PPM1E: variants seen among roughly 807,000 people sequenced by gnomAD.
PPM1E encodes the protein protein phosphatase, Mg2+/Mn2+ dependent 1E, also known as protein phosphatase 1E.
PPM1E carries 20 observed loss-of-function variants against 65.9 expected under a neutral mutation model. The observed-to-expected ratio is 0.30, with a 90% confidence interval of 0.21 to 0.44. PPM1E has a LOEUF of 0.44. PPM1E is among the 20% of genes least tolerant of loss of function. The pLI, the probability that PPM1E is intolerant of heterozygous loss-of-function variation, is 1.00. For missense variants in PPM1E, 713 were observed against 953.1 expected (o/e 0.75, Z 3.32); for synonymous variants, 352 against 374.9 (o/e 0.94, Z 0.70).
intron 1 of PPM1E, among the ~76,000 whole-genome samples, chr17:58,758,450 C>A (rs2144127092): frequency 6.6e-6 from 1 of 151,772 alleles, no homozygotes; most frequent in East Asian, 1.9e-4. Flanking sequence ...ATCGCTTGAA[C>A]CCGAGAGGCA....
intron 1 of PPM1E, among the ~76,000 whole-genome samples, chr17:58,923,407 G>T (rs1256274577): frequency 6.6e-6 from 1 of 151,980 alleles, no homozygotes; most frequent in Non-Finnish European, 1.5e-5. Context: ...GAGGCCAGGA[G>T]TTTGAGACCA....
At chr17:58,763,796 A>C (rs1473968082) in intron 1 of PPM1E, among the ~76,000 whole-genome samples, 1 of 152,102 alleles carries the variant, frequency 6.6e-6, no homozygotes, top group Non-Finnish European at 1.5e-5. Context: ...TTGCTACTGA[A>C]CCATGTAGGA....
At chr17:58,819,294 C>T (rs918178162) in intron 1 of PPM1E, among the ~76,000 whole-genome samples, 26 of 152,180 alleles carry the variant, frequency 1.7e-4, no homozygotes, top group African/African-American at 6.0e-4. Flanking sequence ...TATAGGCACG[C>T]GCCACCACGC....
chr17:58,974,499 T>C (rs966856394), intron 6 of PPM1E, among the ~76,000 whole-genome samples: 1 of 152,204 alleles, frequency 6.6e-6, no homozygotes, highest in Non-Finnish European at 1.5e-5. Context: ...AGGGTATAAG[T>C]TCAAAGAATT....
chr17:58,858,113 T>A (rs531030281), intron 1 of PPM1E, among the ~76,000 whole-genome samples: 4 of 152,272 alleles, frequency 2.6e-5, no homozygotes, highest in Middle Eastern at 3.4e-3. Context: ...TCCTTAACCT[T>A]CCTTATAAAG....
At chr17:58,902,493 G>T (rs1426684428) in intron 1 of PPM1E, among the ~76,000 whole-genome samples, 1 of 152,012 alleles carries the variant, frequency 6.6e-6, no homozygotes, top group Non-Finnish European at 1.5e-5. Flanking sequence ...CATTTATTTA[G>T]TCTAGCATGT....
chr17:58,926,113 G>A (rs567417400), intron 1 of PPM1E, among the ~76,000 whole-genome samples: 12 of 152,216 alleles, frequency 7.9e-5, no homozygotes, highest in African/African-American at 2.9e-4. Context: ...GGCTGAGATG[G>A]GCGGATCACT....
intron 1 of PPM1E, among the ~76,000 whole-genome samples, chr17:58,947,840 G>A (rs1269767502): frequency 1.3e-5 from 2 of 152,098 alleles, no homozygotes; most frequent in African/African-American, 4.8e-5. Flanking sequence ...TCCAACTGGG[G>A]TCTCTGTTGG....
intron 1 of PPM1E, among the ~76,000 whole-genome samples, chr17:58,825,535 G>C (rs1007313063): frequency 6.6e-6 from 1 of 151,568 alleles, no homozygotes; most frequent in Non-Finnish European, 1.5e-5. Flanking sequence ...AAATGAAAAC[G>C]TATTTTTTTT....
chr17:58,978,610 C>A, intron 6 of PPM1E, among the ~76,000 whole-genome samples: 1 of 152,092 alleles, frequency 6.6e-6, no homozygotes, highest in East Asian at 1.9e-4. Context: ...ACTCCGGAGG[C>A]GGAGGCAGGA....
At chr17:58,881,696 T>C (rs1448580190) in intron 1 of PPM1E, among the ~76,000 whole-genome samples, 2 of 151,246 alleles carry the variant, frequency 1.3e-5, no homozygotes, top group Non-Finnish European at 3.0e-5. Flanking sequence ...ACATAAAAAT[T>C]AGCCAGGCAT....
intron 1 of PPM1E, among the ~76,000 whole-genome samples, chr17:58,887,095 G>A (rs1203767386): frequency 2.0e-5 from 3 of 151,602 alleles, no homozygotes; most frequent in Non-Finnish European, 4.4e-5. Flanking sequence ...AATTACTATA[G>A]CATTTAATTA....
At chr17:58,843,584 G>A (rs916008080) in intron 1 of PPM1E, among the ~76,000 whole-genome samples, 1 of 152,032 alleles carries the variant, frequency 6.6e-6, no homozygotes, top group African/African-American at 2.4e-5. Context: ...TAGCACTTTG[G>A]GAGGCCGAGG....
At chr17:58,977,765 CAG>C (rs1455215980) in intron 6 of PPM1E, among the ~76,000 whole-genome samples, 1 of 152,006 alleles carries the variant, frequency 6.6e-6, no homozygotes, top group Non-Finnish European at 1.5e-5. Context: ...TTTTTTGAGA[CAG>C]AGTCTCCCTC....
intron 1 of PPM1E, 33 bp downstream of exon 1, chr17:58,756,494 C>T: frequency 7.9e-7 from 1 of 1,266,048 alleles, no homozygotes; most frequent in Non-Finnish European, 1.0e-6. Context: ...GTGGTGGGCC[C>T]GCGGTCCCCA....
At chr17:58,926,247 A>G (rs2143551358) in intron 1 of PPM1E, among the ~76,000 whole-genome samples, 1 of 152,062 alleles carries the variant, frequency 6.6e-6, no homozygotes, top group African/African-American at 2.4e-5. Context: ...AGGCTGAGGC[A>G]GGAGAATCCA....
chr17:58,807,352 C>A (rs2050325832), intron 1 of PPM1E, among the ~76,000 whole-genome samples: 1 of 152,076 alleles, frequency 6.6e-6, no homozygotes, highest in South Asian at 2.1e-4. Flanking sequence ...AATACTCATT[C>A]ACTAAATAAA....
chr17:58,829,864 T>G (rs2050580877), intron 1 of PPM1E, among the ~76,000 whole-genome samples: 1 of 152,210 alleles, frequency 6.6e-6, no homozygotes, highest in Admixed American at 6.5e-5. Flanking sequence ...TCCACTTGAT[T>G]GTTAGCCTAG....
At chr17:58,833,267 C>A (rs1324120928) in intron 1 of PPM1E, among the ~76,000 whole-genome samples, 1 of 150,966 alleles carries the variant, frequency 6.6e-6, no homozygotes, top group Non-Finnish European at 1.5e-5. Context: ...TAACCCCTGG[C>A]AACCACTGAT....
Sources: gnomAD v4.1 joint callset for allele counts (sites outside exome capture counted in the v4.1 genomes callset) on GRCh38, gnomAD v4.1.1 for gene constraint, MANE v1.5 for transcripts, NCBI Gene and HGNC (gene_info 2026-07-23, HGNC 2026-07-21) for gene names.